The following ZBED5 variants were observed in gnomAD, a reference collection of about 807,000 sequenced individuals.
The protein encoded by ZBED5 is zinc finger BED-type containing 5, also known as zinc finger BED domain-containing protein 5.
In ZBED5, 29 loss-of-function variants were observed where a neutral mutation model predicts 49.2. The observed-to-expected ratio is 0.59, with a 90% confidence interval of 0.44 to 0.80. The LOEUF (loss-of-function observed/expected upper bound fraction) is 0.80. Among genes scored for constraint, ZBED5 ranks in the 30% least tolerant of loss-of-function variants. ZBED5 has a pLI of 0.00. For missense variants in ZBED5, 775 were observed against 812.9 expected, an observed-to-expected ratio of 0.95 and a Z score of 0.57; for synonymous variants, 281 against 292.5, an observed-to-expected ratio of 0.96 and a Z score of 0.40.
In ZBED5 at chr11:10,857,039, T is replaced by C. The variant is rs1848191371; in HGVS notation, c.-255-782A>G. ...CGAGGGTCTCATACTAGCAACAGCATAAAGCCCTGCTTCTTATTGGGAGCA... is the reference window on the plus strand; with the variant it reads ...CGAGGGTCTCATACTAGCAACAGCACAAAGCCCTGCTTCTTATTGGGAGCA... On this transcript the variant is annotated intron_variant, in intron 1 of 2. Coordinates refer to ENST00000413761, the MANE Select transcript of ZBED5 (RefSeq NM_001143667.2). The surrounding 1 kb of genome is among the most constrained non-coding windows in gnomAD (Gnocchi z 6.3). Among the ~76,000 whole-genome samples, 1 of 152,230 alleles carries C rather than the reference T, an allele frequency of 6.6e-6. No homozygotes were observed. The highest frequency in any genetic ancestry group is 2.4e-5 in the African/African-American group (1 of 41,464).
Position 10,853,047 on chromosome 11 carries a change from A to G in ZBED5, c.1899T>C (p.Arg633=), listed in dbSNP as rs2232928. 105,639 of 1,551,606 alleles carry G rather than the reference A, an allele frequency of 0.068. 4,107 individuals carry two copies. The highest frequency in any genetic ancestry group is 0.079 in the Non-Finnish European group (90,926 of 1,146,898). ...GCATTGTAGCAAAAGGAAGAAGTAC[A>G]CGCACTGCACGCCTTGCAATGCTTG... ...EYPSIARRAV[R]VLLPFATMHL... is the part of the protein sequence containing the mutation. The change falls in exon 3 of 3, where the codon CGT becomes CGC. Residue 633 remains arginine, a synonymous_variant. Coordinates refer to ENST00000413761, the MANE Select transcript of ZBED5 (RefSeq NM_001143667.2). The surrounding 1 kb of genome is among the most constrained non-coding windows in gnomAD (Gnocchi z 5.4).
At position 10,857,762 on chromosome 11, in the gene ZBED5, G is replaced by C. The variant is rs1461908598; in HGVS notation, c.-256+100C>G. On this transcript the variant is annotated intron_variant, in intron 1 of 2. Coordinates refer to ENST00000413761, the MANE Select transcript of ZBED5 (RefSeq NM_001143667.2). The surrounding 1 kb of genome is among the most constrained non-coding windows in gnomAD (Gnocchi z 6.3). ...CGCGGCTGGGCTGCACAGCAGCGCC[G>C]CGGTCCACAGCAGAGCCCGCGACCG... 1 of 152,322 alleles carries C rather than the reference G, an allele frequency of 6.6e-6. No individual in the cohort carries two copies. The highest frequency in any genetic ancestry group is 1.5e-5 in the Non-Finnish European group (1 of 68,118). 9.4% of individuals were successfully genotyped at this position (152,322 alleles called of 1,614,324 possible).
At position 10,853,490 on chromosome 11, in the gene ZBED5, CATTTA is replaced by C; in HGVS notation, c.1451_1455del (p.Leu484Ter). 6.4e-7 allele frequency: 1 copy of C among 1,550,794 alleles called. No homozygotes were observed. The highest frequency in any genetic ancestry group is 8.7e-7 in the Non-Finnish European group (1 of 1,146,518). ...TTTCCTTGCATTGACAAATTAACTTCATTTAATTTAGTAAAAATATCTGCAAGATA... is the reference window on the plus strand; with the variant it reads ...TTTCCTTGCATTGACAAATTAACTTCATTTAGTAAAAATATCTGCAAGATA... On this transcript the variant is annotated frameshift_variant, in exon 3 of 3. Transcript: ENST00000413761. LOFTEE classifies it high-confidence loss of function. This position sits in a 1 kb window ranked among gnomAD's most constrained non-coding sequence, Gnocchi z 5.4.
In ZBED5 at chr11:10,855,285, A is replaced by AT. The variant is rs1848165193; in HGVS notation, c.-141-200dup. Among the ~76,000 whole-genome samples, 1 of 152,180 alleles carries AT rather than the reference A, an allele frequency of 6.6e-6. No individual in the cohort carries two copies. Among genetic ancestry groups the AT allele is most frequent in the Non-Finnish European group, 1.5e-5 (1 of 68,022 alleles). ...AATTTGGGAATCACTGAGCCAATAA[A>AT]TTATTAAGAGTTGTTATACATATTT... On this transcript the variant is annotated intron_variant, in intron 2 of 2. Coordinates refer to ENST00000413761, the MANE Select transcript of ZBED5 (RefSeq NM_001143667.2). This position sits in a 1 kb window ranked among gnomAD's most constrained non-coding sequence, Gnocchi z 4.1.
rs1789500597 is a variant in ZBED5 at position 10,854,046 on chromosome 11, A to G, written c.900T>C (p.Ser300=). ...CACACAGGAGTAGGTCTTCCTCAAT[A>G]GACTTATTAAACCTATAACGAACAA... is the stretch of plus-strand genomic sequence containing the variant. The part of the protein sequence containing the change: ...LVFVRYRFNK[S]IEEDLLLCES... Residue 300 remains serine (S), a synonymous_variant, in exon 3 of 3, where the codon TCT becomes TCC. Coordinates refer to ENST00000413761, the MANE Select transcript of ZBED5 (RefSeq NM_001143667.2). The surrounding 1 kb of genome is among the most constrained non-coding windows in gnomAD (Gnocchi z 5.0). 1.3e-6 allele frequency: 2 copies of G among 1,551,444 alleles called. No individual in the cohort carries two copies. The highest frequency in any genetic ancestry group is 1.7e-4 in the Middle Eastern group (1 of 5,992).
Position 10,853,954 on chromosome 11 carries a change from T to C in ZBED5, c.992A>G (p.His331Arg), listed in dbSNP as rs1228952074. 2 of 1,551,578 alleles carry C rather than the reference T, an allele frequency of 1.3e-6. No individual in the cohort carries two copies. The highest frequency in any genetic ancestry group is 1.7e-6 in the Non-Finnish European group (2 of 1,146,938). The change falls in exon 3 of 3, where the codon CAT (histidine) becomes CGT (arginine). Residue 331 changes from histidine (H) to arginine (R), a missense_variant. Coordinates refer to ENST00000413761, the MANE Select transcript of ZBED5 (RefSeq NM_001143667.2). This position sits in a 1 kb window ranked among gnomAD's most constrained non-coding sequence, Gnocchi z 5.4. ...FNCINSFMQKHEIEWEKCVDV... is the reference protein window; with the variant it reads ...FNCINSFMQKREIEWEKCVDV... ...AACACATTTTTCCCATTCAATTTCA[T>C]GTTTCTGCATAAAACTGTTGATACA...
At position 10,855,716 on chromosome 11, in the gene ZBED5, C is replaced by T. The variant is rs960861683; in HGVS notation, c.-142+428G>A. 5 of 152,022 alleles carry T rather than the reference C, an allele frequency of 3.3e-5. No individual in the cohort carries two copies. The highest frequency in any genetic ancestry group is 4.8e-5 in the African/African-American group (2 of 41,376). The allele number at this position is 152,022 out of a possible 1,614,324, so 9.4% of individuals were successfully genotyped here. ...ATTCTACTGTATCCTAAATGTTATG[C>T]GTTAACAATGAAGAATAAATTGTAT... On this transcript the variant is annotated intron_variant, in intron 2 of 2. Transcript: ENST00000413761. The surrounding 1 kb of genome is among the most constrained non-coding windows in gnomAD (Gnocchi z 4.1).
chr11:10,853,616 G>C lies in ZBED5; in HGVS notation c.1330C>G (p.Leu444Val). 6.4e-7 allele frequency: 1 copy of C among 1,551,466 alleles called. No individual in the cohort carries two copies. Among genetic ancestry groups the C allele is most frequent in the South Asian group, 1.2e-5 (1 of 84,044 alleles). ...AAAAGTTCACGACGAAGTTCAAAAAGTCTTACAAGAACTTTACCTCGAGAA... is the reference window on the plus strand; with the variant it reads ...AAAAGTTCACGACGAAGTTCAAAAACTCTTACAAGAACTTTACCTCGAGAA... ...WLSRGKVLVR[L>V]FELRRELLVF... The change falls in exon 3 of 3, where the codon CTT becomes GTT. Residue 444 changes from leucine (L) to valine (V), a missense_variant. Physicochemically the swap from Leu to Val is conservative, Grantham distance 32. Coordinates refer to ENST00000413761, the MANE Select transcript of ZBED5 (RefSeq NM_001143667.2). The surrounding 1 kb of genome is among the most constrained non-coding windows in gnomAD (Gnocchi z 5.4).
rs1295497476 is a variant in ZBED5 at position 10,853,399 on chromosome 11, G to T, written c.1547C>A (p.Ala516Asp). The T allele has an allele frequency of 6.5e-7, 1 of 1,549,786 alleles. No individual in the cohort carries two copies. Among genetic ancestry groups the T allele is most frequent in the South Asian group, 1.2e-5 (1 of 83,788 alleles). ...SSLLRKLEFWASSVEEENFDC... is the reference protein window; with the variant it reads ...SSLLRKLEFWDSSVEEENFDC... ...AAAGTTTTCTTCTTCTACAGATGAGGCCCAAAATTCCAATTTTCTTAACAA... is the reference window on the plus strand; with the variant it reads ...AAAGTTTTCTTCTTCTACAGATGAGTCCCAAAATTCCAATTTTCTTAACAA... The change falls in exon 3 of 3, where the codon GCC (alanine) becomes GAC (aspartate). Residue 516 changes from alanine to aspartate, a missense_variant. Physicochemically the swap from Ala to Asp is moderately radical, Grantham distance 126. Coordinates refer to ENST00000413761, the MANE Select transcript of ZBED5 (RefSeq NM_001143667.2). This position sits in a 1 kb window ranked among gnomAD's most constrained non-coding sequence, Gnocchi z 5.4.
chr11:10,854,547 TAC>T lies in ZBED5; in HGVS notation c.397_398del (p.Val133IlefsTer3). 1 of 1,551,546 alleles carries T rather than the reference TAC, an allele frequency of 6.4e-7. No individual in the cohort carries two copies. Among genetic ancestry groups the T allele is most frequent in the Non-Finnish European group, 8.7e-7 (1 of 1,146,930 alleles). On this transcript the variant is annotated frameshift_variant, in exon 3 of 3. Transcript: ENST00000413761. LOFTEE classifies it high-confidence loss of function. This position sits in a 1 kb window ranked among gnomAD's most constrained non-coding sequence, Gnocchi z 5.0. The part of the protein sequence containing the change: ...GNRDAPHAQC[V>X]LCKKILSNSS... The stretch of plus-strand genomic sequence containing the variant: ...TATTTGATAAAATTTTCTTACATAA[TAC>T]ACACTGAGCATGAGGTGCATCTCTA...
chr11:10,856,423 T>C (rs1182657923), intron 1 of ZBED5, among the ~76,000 whole-genome samples, 166 bp from the exon 2 acceptor site: 1 of 152,178 alleles, frequency 6.6e-6, no homozygotes, highest in East Asian at 1.9e-4. Flanking sequence ...AATTCTAACA[T>C]TTTCATCCTG....
In ZBED5 at chr11:10,855,530, GT is replaced by G. The variant is rs1403252564; in HGVS notation, c.-141-445del. 6.6e-6 allele frequency: 1 copy of G among 152,252 alleles called. No individual in the cohort carries two copies. Among genetic ancestry groups the G allele is most frequent in the Non-Finnish European group, 1.5e-5 (1 of 68,124 alleles). 9.4% of individuals were successfully genotyped at this position (152,252 alleles called of 1,614,324 possible). The stretch of plus-strand genomic sequence containing the variant: ...CATAATTTATCAGCCCTGTCTCATG[GT>G]ATGTAGTATTGTGAAATCTCTTTTA... On this transcript the variant is annotated intron_variant, in intron 2 of 2. Transcript: ENST00000413761. This position sits in a 1 kb window ranked among gnomAD's most constrained non-coding sequence, Gnocchi z 4.1.
rs773439647 is a variant in ZBED5 at position 10,855,744 on chromosome 11, CAA to C, written c.-142+398_-142+399del. 3 of 152,126 alleles carry C rather than the reference CAA, an allele frequency of 2.0e-5. No homozygotes were observed. The highest frequency in any genetic ancestry group is 4.4e-5 in the Non-Finnish European group (3 of 68,020). The allele number at this position is 152,126 out of a possible 1,614,324, so 9.4% of individuals were successfully genotyped here. ...TAACAATGAAGAATAAATTGTATAT[CAA>C]AAGTTAGGTACTGTTTCTCTGGACT... On this transcript the variant is annotated intron_variant, in intron 2 of 2. Coordinates refer to ENST00000413761, the MANE Select transcript of ZBED5 (RefSeq NM_001143667.2). The surrounding 1 kb of genome is among the most constrained non-coding windows in gnomAD (Gnocchi z 4.1).
rs1304272093 is a variant in ZBED5, at chr11:10,852,968, TCC to T, written c.1976_1977del (p.Arg659LysfsTer4). ...SYYAATKTKY[R>X]KRLDAAPHMR... Reference sequence around the variant, plus strand: ...ATATGAGGTGCAGCATCAAGTCTTTTCCTATATTTTGTTTTTGTTGCAGCGTA... The same window carrying T: ...ATATGAGGTGCAGCATCAAGTCTTTTTATATTTTGTTTTTGTTGCAGCGTA... On this transcript the variant is annotated frameshift_variant, in exon 3 of 3. Transcript: ENST00000413761. LOFTEE classifies it high-confidence loss of function. 6.4e-7 allele frequency: 1 copy of T among 1,551,658 alleles called. No individual in the cohort carries two copies. The highest frequency in any genetic ancestry group is 8.7e-7 in the Non-Finnish European group (1 of 1,146,958).
At position 10,852,971 on chromosome 11, in the gene ZBED5, T is replaced by C. The variant is rs1055179941; in HGVS notation, c.1975A>G (p.Arg659Gly). 58 of 1,551,544 alleles carry C rather than the reference T, an allele frequency of 3.7e-5. No individual in the cohort carries two copies. In the Admixed American group the frequency reaches 5.9e-4, roughly 16 times the overall value. Residue 659 changes from arginine to glycine, a missense_variant, in exon 3 of 3, where the codon AGG becomes GGG. Physicochemically the swap from Arg to Gly is moderately radical, Grantham distance 125. Transcript: ENST00000413761. ...SYYAATKTKY[R>G]KRLDAAPHMR... The stretch of plus-strand genomic sequence containing the variant: ...TGAGGTGCAGCATCAAGTCTTTTCC[T>C]ATATTTTGTTTTTGTTGCAGCGTAA...
At position 10,852,795 on chromosome 11, in the gene ZBED5, G is replaced by C; in HGVS notation, c.*69C>G. ...TTATTTAAATCCCCCAAATACCAGA[G>C]ATGAAGTAAATCATCTTTTATTTTC... is the stretch of plus-strand genomic sequence containing the variant. On this transcript the variant is annotated 3_prime_UTR_variant, in exon 3 of 3. Transcript: ENST00000413761. 1 of 1,426,560 alleles carries C rather than the reference G, an allele frequency of 7.0e-7. No individual in the cohort carries two copies. Among genetic ancestry groups the C allele is most frequent in the South Asian group, 1.6e-5 (1 of 61,086 alleles). The allele number at this position is 1,426,560 out of a possible 1,614,324, so 88.4% of individuals were successfully genotyped here.
intron 1 of ZBED5, 30 bp from the exon 2 acceptor site, chr11:10,856,287 A>G (rs1431786632): frequency 6.6e-6 from 1 of 152,240 alleles, no homozygotes; most frequent in Non-Finnish European, 1.5e-5. Context: ...AATTAGATAC[A>G]GTAACAAGCA....
chr11:10,853,298 C>T lies in ZBED5; in HGVS notation c.1648G>A (p.Val550Met), dbSNP rs1848126643. 6.4e-7 allele frequency: 1 copy of T among 1,551,592 alleles called. No individual in the cohort carries two copies. Among genetic ancestry groups the T allele is most frequent in the African/African-American group, 1.4e-5 (1 of 73,148 alleles). ...GCGCGCAAACCCCTTAGGTGCTGCA[C>T]AATGGCACTGCAAATATCTTTATCA... ...TVDKDICSAI[V>M]QHLRGLRATL... The change falls in exon 3 of 3, where the codon GTG becomes ATG. Residue 550 changes from valine (V) to methionine (M), a missense_variant. Transcript: ENST00000413761. This position sits in a 1 kb window ranked among gnomAD's most constrained non-coding sequence, Gnocchi z 5.4.
In ZBED5 at chr11:10,854,196, A is replaced by T. The variant is rs1848146474; in HGVS notation, c.750T>A (p.Arg250=). Residue 250 remains arginine, a synonymous_variant, in exon 3 of 3, where the codon CGT becomes CGA. Transcript: ENST00000413761. This position sits in a 1 kb window ranked among gnomAD's most constrained non-coding sequence, Gnocchi z 5.0. ...TGTCAGCAGCTAGATCCTTAATTCG[A>T]CGTGCAACAGTACTGTTTGATAGCT... ...AVQLSNSTVA[R]RIKDLAADIE... is the part of the protein sequence containing the mutation. 1.9e-6 allele frequency: 3 copies of T among 1,550,898 alleles called. No individual in the cohort carries two copies. The highest frequency in any genetic ancestry group is 3.9e-5 in the Admixed American group (2 of 50,944).
Sources: gnomAD v4.1 joint callset for allele counts (sites outside exome capture counted in the v4.1 genomes callset) on GRCh38, gnomAD v4.1.1 for gene constraint, Gnocchi (gnomAD v3.1) non-coding constraint, MANE v1.5 for transcripts, NCBI Gene and HGNC (gene_info 2026-07-23, HGNC 2026-07-21) for gene names.